The following DST variants were observed in gnomAD, a reference collection of about 807,000 sequenced individuals.
DST encodes bullous pemphigoid antigen.
A neutral mutation model predicts 875.2 loss-of-function variants in DST; 253 were observed. That is an observed-to-expected ratio of 0.29 (90% CI 0.26 to 0.32). The LOEUF is 0.32. DST is among the 10% of genes least tolerant of loss of function. The pLI, the probability that DST is intolerant of heterozygous loss-of-function variation, is 1.00. For synonymous variants in DST, 3,124 were observed against 3,197.1 expected (o/e 0.98, Z 0.77); for missense variants, 8,287 against 9,111.6 (o/e 0.91, Z 3.68).
chr6:56,892,910 A>T (rs1399264255), intron 3 of DST, among the ~76,000 whole-genome samples: 1 of 152,218 alleles, frequency 6.6e-6, no homozygotes, highest in African/African-American at 2.4e-5. Flanking sequence ...AAAGGAAGAA[A>T]CTACTATTTA....
chr6:56,860,434 A>G (rs1354446020), intron 3 of DST, among the ~76,000 whole-genome samples: 1 of 152,242 alleles, frequency 6.6e-6, no homozygotes, highest in South Asian at 2.1e-4. Context: ...AGATAGTTCC[A>G]TGTTTCTACT....
Position 56,506,501 on chromosome 6 carries a change from C to A in DST, c.19406G>T (p.Arg6469Leu). 6.2e-7 allele frequency: 1 copy of A among 1,613,110 alleles called. No homozygotes were observed. The highest frequency in any genetic ancestry group is 8.5e-7 in the Non-Finnish European group (1 of 1,179,488). Reference protein sequence around the residue: ...WDSLNKAWKDRIDKLEEAMQA... With the variant: ...WDSLNKAWKDLIDKLEEAMQA... ...CATTGCCTCCTCAAGTTTGTCAATC[C>A]GGTCTTTCCAAGCTTTATTTAGAGA... Residue 6469 changes from arginine (R) to leucine (L), a missense_variant, in exon 77 of 104, where the codon CGG (arginine) becomes CTG (leucine). By Grantham distance (102) the Arg-to-Leu change is moderately radical. This residue lies in a region of DST where 1,292 missense variants were observed against 1,552.7 expected (regional missense o/e 0.83). Transcript: ENST00000680361.
rs190397368 is a variant in DST, at chr6:56,641,935, T to C, written c.2027+12A>G. ...AAAAAAAGGACAGAGAAAGAATAAG[T>C]AGCACTCTTACCTCTGTACCAATTG... On this transcript the variant is annotated intron_variant, in intron 17 of 103. Coordinates refer to ENST00000680361, the MANE Select transcript of DST (RefSeq NM_001374736.1). The C allele has an allele frequency of 2.8e-5, 45 of 1,592,236 alleles. No homozygotes were observed. The South Asian group carries it at 3.6e-4, about 13-fold the overall frequency.
At chr6:56,615,929 A>G (rs1435094363) in intron 36 of DST, 3 of 1,614,176 alleles carry the variant, frequency 1.9e-6, no homozygotes, top group Non-Finnish European at 2.5e-6. Context: ...CTGCTGGGCA[A>G]ACCCCTCATC....
rs376188537 is a variant in DST at position 56,557,358 on chromosome 6, A to T, written c.14601T>A (p.Ile4867=). ...TTTGTGTGTTTAGCATATTTGGGTCAATTGACAAGGGCCCAAGAACACTGA... is the reference window on the plus strand; with the variant it reads ...TTTGTGTGTTTAGCATATTTGGGTCTATTGACAAGGGCCCAAGAACACTGA... ...LMVSVLGPLS[I]DPNMLNTQRQ... The change falls in exon 59 of 104, where the codon ATT becomes ATA. Residue 4867 remains isoleucine (I), a synonymous_variant. Coordinates refer to ENST00000680361, the MANE Select transcript of DST (RefSeq NM_001374736.1). 1.2e-5 allele frequency: 19 copies of T among 1,613,708 alleles called. No individual in the cohort carries two copies. Among genetic ancestry groups the T allele is most frequent in the South Asian group, 2.2e-5 (2 of 91,032 alleles).
intron 5 of DST, among the ~76,000 whole-genome samples, chr6:56,724,912 G>A (rs2099442633): frequency 6.6e-6 from 1 of 152,138 alleles, no homozygotes; most frequent in African/African-American, 2.4e-5. Context: ...GGACAAATCT[G>A]AAGCTTTTTG....
At chr6:56,468,690 C>T (rs1582204886) in intron 98 of DST, among the ~76,000 whole-genome samples, 1 of 152,074 alleles carries the variant, frequency 6.6e-6, no homozygotes, top group South Asian at 2.1e-4. Flanking sequence ...AATATATGCT[C>T]ATATTATAAA....
chr6:56,463,805 G>A (rs890681856), intron 100 of DST, 41 bp from the exon 101 acceptor site: 25 of 1,604,526 alleles, frequency 1.6e-5, no homozygotes, highest in Middle Eastern at 1.7e-4. Context: ...AAGAAAAGAC[G>A]GAAAAGAAGA....
At chr6:56,906,170 G>A (rs762782311) in intron 2 of DST, among the ~76,000 whole-genome samples, 2 of 151,992 alleles carry the variant, frequency 1.3e-5, no homozygotes, top group South Asian at 2.1e-4. Context: ...TTTGCATAGC[G>A]GCTACACCAG....
intron 4 of DST, among the ~76,000 whole-genome samples, chr6:56,788,361 A>C (rs747338070): frequency 1.1e-4 from 16 of 151,824 alleles, no homozygotes; most frequent in Non-Finnish European, 2.1e-4. Context: ...ACCACCAGCT[A>C]CTTTTTGTAT....
In DST at chr6:56,607,729, A is replaced by G; in HGVS notation, c.6899T>C (p.Ile2300Thr). ...TCTCATTTCATTAAATTCTTCATCT[A>G]TAGCACACTTTCTATTTTCAGGAGT... is the stretch of plus-strand genomic sequence containing the variant. ...EETPENRKCAIDEEFNEMRNT... is the reference protein window; with the variant it reads ...EETPENRKCATDEEFNEMRNT... The change falls in exon 40 of 104, where the codon ATA becomes ACA. Residue 2300 changes from isoleucine to threonine, a missense_variant. By Grantham distance (89) the Ile-to-Thr change is moderately conservative. Around this residue, in one of 10 missense-constraint regions of DST, gnomAD observed 3,138 missense variants for 3,116.6 expected, o/e 1.01. Coordinates refer to ENST00000680361, the MANE Select transcript of DST (RefSeq NM_001374736.1). 1 of 1,613,498 alleles carries G rather than the reference A, an allele frequency of 6.2e-7. No individual in the cohort carries two copies.
chr6:56,858,641 A>G (rs1386240640), intron 3 of DST, among the ~76,000 whole-genome samples: 2 of 152,314 alleles, frequency 1.3e-5, no homozygotes, highest in Non-Finnish European at 2.9e-5. Context: ...TAATGCTGCA[A>G]TGACTATGGG....
In DST at chr6:56,605,791, A is replaced by T. The variant is rs2098489975; in HGVS notation, c.8837T>A (p.Ile2946Asn). 6.2e-7 allele frequency: 1 copy of T among 1,612,466 alleles called. No homozygotes were observed. Among genetic ancestry groups the T allele is most frequent in the South Asian group, 1.1e-5 (1 of 91,030 alleles). The part of the protein sequence containing the change: ...PASISHDNNN[I>N]SSTSELGTDL... Reference sequence around the variant, plus strand: ...AGTACCTAATTCAGAAGTTGAACTGATATTATTATTATCATGTGAAATACT... The same window carrying T: ...AGTACCTAATTCAGAAGTTGAACTGTTATTATTATTATCATGTGAAATACT... Residue 2946 changes from isoleucine to asparagine, a missense_variant, in exon 40 of 104, where the codon ATC becomes AAC. Coordinates refer to ENST00000680361, the MANE Select transcript of DST (RefSeq NM_001374736.1).
chr6:56,566,414 T>G (rs1452227951), intron 55 of DST, among the ~76,000 whole-genome samples: 1 of 152,180 alleles, frequency 6.6e-6, no homozygotes. Context: ...CCATTCCTCA[T>G]GGCACAGTCC....
intron 82 of DST, among the ~76,000 whole-genome samples, chr6:56,496,106 T>A (rs181945836): frequency 6.6e-6 from 1 of 152,276 alleles, no homozygotes; most frequent in Admixed American, 6.5e-5. Flanking sequence ...TTTTAAAAAA[T>A]TTCTGATGTA....
intron 3 of DST, among the ~76,000 whole-genome samples, chr6:56,868,531 C>A (rs1387718333): frequency 2.0e-5 from 3 of 152,000 alleles, no homozygotes; most frequent in African/African-American, 4.8e-5. Flanking sequence ...ACAGAAAATA[C>A]CCTCTCCCAA....
intron 49 of DST, among the ~76,000 whole-genome samples, chr6:56,586,986 C>T (rs923571015): frequency 6.6e-6 from 1 of 152,138 alleles, no homozygotes; most frequent in Non-Finnish European, 1.5e-5. Context: ...AAACTGGAAA[C>T]TCTAAAAAGT....
chr6:56,491,725 G>A (rs879144049), intron 85 of DST, among the ~76,000 whole-genome samples: 1 of 152,148 alleles, frequency 6.6e-6, no homozygotes, highest in Admixed American at 6.5e-5. Flanking sequence ...CAAAGAGGTG[G>A]GGAGTGCCGA....
intron 8 of DST, 108 bp downstream of exon 8, chr6:56,701,780 G>T: frequency 1.5e-6 from 1 of 657,962 alleles, no homozygotes; most frequent in East Asian, 2.8e-5. Context: ...CAAGCTTACT[G>T]GTTACAATTC....
Sources: allele counts gnomAD v4.1 joint callset (sites outside exome capture counted in the v4.1 genomes callset), GRCh38; gene constraint gnomAD v4.1.1; regional missense constraint gnomAD v4.1.1; transcripts MANE v1.5; gene names NCBI Gene and HGNC (gene_info 2026-07-23, HGNC 2026-07-21).